FBXL7: variants seen among roughly 807,000 people sequenced by gnomAD.
FBXL7 encodes the protein F-box and leucine rich repeat protein 7.
In FBXL7, 12 loss-of-function variants were observed where a neutral mutation model predicts 38.3. That is an observed-to-expected ratio of 0.31 (90% CI 0.20 to 0.51). The LOEUF is 0.51. FBXL7 is among the 20% of genes least tolerant of loss of function. FBXL7 has a pLI of 0.98. For missense variants in FBXL7, 567 were observed against 676.4 expected (o/e 0.84, Z 1.79); for synonymous variants, 297 against 300.9 (o/e 0.99, Z 0.13).
chr5:15,595,545 G>A (rs1231052615), intron 1 of FBXL7, among the ~76,000 whole-genome samples: 2 of 152,190 alleles, frequency 1.3e-5, no homozygotes, highest in Non-Finnish European at 2.9e-5. Flanking sequence ...TTATACAACT[G>A]TATTAATCTG....
chr5:15,613,156 G>GTAA (rs1227850360), intron 1 of FBXL7, among the ~76,000 whole-genome samples: 1 of 152,114 alleles, frequency 6.6e-6, no homozygotes, highest in Non-Finnish European at 1.5e-5. Context: ...GGAGTGGTTT[G>GTAA]GATTACTGAG....
intron 2 of FBXL7, among the ~76,000 whole-genome samples, chr5:15,869,273 G>A (rs967871126): frequency 4.6e-5 from 7 of 152,138 alleles, no homozygotes; most frequent in Non-Finnish European, 7.4e-5. Context: ...ATAGTTAGAG[G>A]TGATTACACA....
intron 2 of FBXL7, among the ~76,000 whole-genome samples, chr5:15,632,556 C>G (rs907366151): frequency 2.0e-5 from 3 of 151,948 alleles, no homozygotes; most frequent in Non-Finnish European, 2.9e-5. Context: ...ATTGTTCTAC[C>G]GAAAAGACAC....
intron 2 of FBXL7, among the ~76,000 whole-genome samples, chr5:15,731,945 A>G (rs533016008): frequency 6.6e-6 from 1 of 152,290 alleles, no homozygotes; most frequent in African/African-American, 2.4e-5. Context: ...GTCTCACTTC[A>G]GGACTGAACA....
chr5:15,773,277 T>C (rs760546077), intron 2 of FBXL7, among the ~76,000 whole-genome samples: 2 of 152,162 alleles, frequency 1.3e-5, no homozygotes, highest in Non-Finnish European at 1.5e-5. Flanking sequence ...TTTAAGTTAA[T>C]TTACTTGCAT....
intron 2 of FBXL7, among the ~76,000 whole-genome samples, chr5:15,912,498 G>T (rs1320352110): frequency 2.0e-5 from 3 of 151,654 alleles, no homozygotes; most frequent in South Asian, 2.1e-4. Flanking sequence ...CGTCGCTCAC[G>T]CTGGGAGCTG....
At chr5:15,854,667 G>A (rs140775864) in intron 2 of FBXL7, among the ~76,000 whole-genome samples, 2 of 151,870 alleles carry the variant, frequency 1.3e-5, no homozygotes, top group African/African-American at 4.8e-5. Flanking sequence ...ACTTTCTCAC[G>A]CACTCTCCCA....
intron 2 of FBXL7, among the ~76,000 whole-genome samples, chr5:15,916,616 T>A (rs1741591334): frequency 6.6e-6 from 1 of 151,838 alleles, no homozygotes; most frequent in Non-Finnish European, 1.5e-5. Context: ...AGAGGAAAAA[T>A]TTCAAGGAGA....
At position 15,803,501 on chromosome 5, in the gene FBXL7, T is replaced by G. The variant is rs116245215; in HGVS notation, c.128-124389T>G. Among the ~76,000 whole-genome samples the G allele has an allele frequency of 5.5e-3, 833 of 152,272 alleles. 6 individuals carry two copies. The highest frequency in any genetic ancestry group is 0.019 in the African/African-American group (796 of 41,558). Reference sequence around the variant, plus strand: ...TTACATATTATGCCAAATTAAATATTCTTTGTTACTCATATTTTCCCCTTT... The same window carrying G: ...TTACATATTATGCCAAATTAAATATGCTTTGTTACTCATATTTTCCCCTTT... On this transcript the variant is annotated intron_variant, in intron 2 of 3. Transcript: ENST00000504595.
chr5:15,671,731 A>G (rs1367643650), intron 2 of FBXL7, among the ~76,000 whole-genome samples: 2 of 152,218 alleles, frequency 1.3e-5, no homozygotes, highest in African/African-American at 2.4e-5. Flanking sequence ...AATTTTGTCA[A>G]TGGTGGTATA....
At chr5:15,696,324 A>G (rs1306229305) in intron 2 of FBXL7, among the ~76,000 whole-genome samples, 6 of 152,168 alleles carry the variant, frequency 3.9e-5, no homozygotes, top group African/African-American at 1.2e-4. Flanking sequence ...CTAAATGTCC[A>G]TCTTCTCACC....
At chr5:15,517,133 T>G (rs894792378) in intron 1 of FBXL7, among the ~76,000 whole-genome samples, 1 of 152,020 alleles carries the variant, frequency 6.6e-6, no homozygotes, top group African/African-American at 2.4e-5. Flanking sequence ...TTCACGCCAT[T>G]CTCCTGCCTC....
At chr5:15,641,503 T>C (rs1741367652) in intron 2 of FBXL7, among the ~76,000 whole-genome samples, 1 of 86,270 alleles carries the variant, frequency 1.2e-5, no homozygotes, top group South Asian at 3.6e-4. Context: ...ATGACTGCCA[T>C]TTTTTTTTTT....
At chr5:15,668,143 C>T (rs77643368) in intron 2 of FBXL7, among the ~76,000 whole-genome samples, 3,845 of 152,246 alleles carry the variant, frequency 0.025, 88 homozygotes, top group East Asian at 0.053. Flanking sequence ...TAATCAGCCT[C>T]GAAAACTGAT....
chr5:15,597,152 A>C (rs1580393574), intron 1 of FBXL7, among the ~76,000 whole-genome samples: 1 of 152,126 alleles, frequency 6.6e-6, no homozygotes. Context: ...ATCAGAATTG[A>C]ATTGAATTCT....
intron 1 of FBXL7, among the ~76,000 whole-genome samples, chr5:15,554,392 C>T (rs1004820609): frequency 2.6e-5 from 4 of 152,154 alleles, no homozygotes; most frequent in East Asian, 1.9e-4. Context: ...TTAGAACAGT[C>T]GTAACTACCA....
At chr5:15,659,165 A>G (rs973997151) in intron 2 of FBXL7, among the ~76,000 whole-genome samples, 3 of 152,200 alleles carry the variant, frequency 2.0e-5, no homozygotes, top group Non-Finnish European at 4.4e-5. Context: ...ACCCTTATAA[A>G]AAGTTAAATG....
In FBXL7 at chr5:15,937,541, T is replaced by TCCC; in HGVS notation, c.*357_*358insCCC. On this transcript the variant is annotated 3_prime_UTR_variant, in exon 4 of 4. Transcript: ENST00000504595. ...CGCACACAGGCCCCACCCCCACAGT[T>TCCC]CCACGCCCCCCCCCCAAGGCCACAC... is the stretch of plus-strand genomic sequence containing the variant. The TCCC allele has an allele frequency of 7.1e-6, 1 of 141,184 alleles. No individual in the cohort carries two copies. Among genetic ancestry groups the TCCC allele is most frequent in the African/African-American group, 4.4e-5 (1 of 22,600 alleles). The allele number at this position is 141,184 out of a possible 1,614,324, so 8.7% of individuals were successfully genotyped here.
At chr5:15,567,363 A>G (rs1372338412) in intron 1 of FBXL7, among the ~76,000 whole-genome samples, 1 of 152,142 alleles carries the variant, frequency 6.6e-6, no homozygotes, top group African/African-American at 2.4e-5. Flanking sequence ...CAATATAAAA[A>G]GATATTTGTT....
Sources: gnomAD v4.1 joint callset for allele counts (sites outside exome capture counted in the v4.1 genomes callset) on GRCh38, gnomAD v4.1.1 for gene constraint, MANE v1.5 for transcripts, NCBI Gene and HGNC (gene_info 2026-07-23, HGNC 2026-07-21) for gene names.